The following SERPINE2 variants were observed in gnomAD, a reference collection of about 807,000 sequenced individuals.
The protein encoded by SERPINE2 is serpin family E member 2.
Under a neutral mutation model 36.3 loss-of-function variants are expected in SERPINE2, and 14 were observed. That is an observed-to-expected ratio of 0.39 (90% CI 0.25 to 0.60). SERPINE2 has a LOEUF of 0.60. Ranked by LOEUF, SERPINE2 falls within the 20% of genes least tolerant of loss-of-function variation. The pLI is 0.57. For missense variants in SERPINE2, 418 were observed against 499.6 expected (o/e 0.84, Z 1.56); for synonymous variants, 192 against 191.8 (o/e 1.00, Z -0.01).
intron 1 of SERPINE2, among the ~76,000 whole-genome samples, chr2:224,005,031 A>T (rs1266802943): frequency 1.2e-5 from 1 of 82,578 alleles, no homozygotes; most frequent in East Asian, 2.7e-4. Context: ...TATATTATAT[A>T]ATATATAAAT....
At chr2:223,976,138 A>C (rs1690001799) in intron 8 of SERPINE2, among the ~76,000 whole-genome samples, 1 of 151,804 alleles carries the variant, frequency 6.6e-6, no homozygotes, top group African/African-American at 2.4e-5. Flanking sequence ...GTGACTTAGA[A>C]GTTGAATTTT....
rs777147287 is a variant in SERPINE2, at chr2:223,980,373, T to C, written c.1010A>G (p.His337Arg). The stretch of plus-strand genomic sequence containing the variant: ...TTCAATTTTTGCTTTTTGCAAGATA[T>C]GAGAAACATGGAGGTTTTCTGACCC... ...ITRSENLHVS[H>R]ILQKAKIEVS... The change falls in exon 7 of 9, where the codon CAT becomes CGT. Residue 337 changes from histidine to arginine, a missense_variant. Physicochemically the swap from His to Arg is conservative, Grantham distance 29. Transcript: ENST00000409304. The C allele has an allele frequency of 1.1e-5, 17 of 1,614,000 alleles. No individual in the cohort carries two copies. Among genetic ancestry groups the C allele is most frequent in the African/African-American group, 6.7e-5 (5 of 74,934 alleles).
chr2:224,035,226 G>C (rs1036764297), intron 1 of SERPINE2, among the ~76,000 whole-genome samples: 3 of 152,180 alleles, frequency 2.0e-5, no homozygotes, highest in African/African-American at 7.2e-5. Context: ...TAGCTCTGAA[G>C]CCCATGGGAG....
At chr2:223,977,467 T>A in intron 8 of SERPINE2, 77 bp downstream of exon 8, 1 of 916,646 alleles carries the variant, frequency 1.1e-6, no homozygotes, top group Non-Finnish European at 1.8e-6. Flanking sequence ...GGCACCACTG[T>A]TGGATATAAT....
At chr2:223,994,464 T>C (rs550937893) in intron 3 of SERPINE2, among the ~76,000 whole-genome samples, 2 of 152,310 alleles carry the variant, frequency 1.3e-5, no homozygotes, top group African/African-American at 2.4e-5. Context: ...CAGACATGCA[T>C]CTATCATCCG....
rs748089179 is a variant in SERPINE2, at chr2:223,984,812, T to G, written c.824A>C (p.Lys275Thr). ...LSAIIPHISTKTIDSWMSIMV... is the reference protein window; with the variant it reads ...LSAIIPHISTTTIDSWMSIMV... The stretch of plus-strand genomic sequence containing the variant: ...GATGCTCATCCAGCTGTCTATGGTC[T>G]TGGTGCTGATGTGTGGGATGATGGC... The change falls in exon 5 of 9, where the codon AAG becomes ACG. Residue 275 changes from lysine to threonine, a missense_variant. Transcript: ENST00000409304. 6.2e-7 allele frequency: 1 copy of G among 1,613,844 alleles called. No homozygotes were observed. The highest frequency in any genetic ancestry group is 8.5e-7 in the Non-Finnish European group (1 of 1,180,008).
intron 1 of SERPINE2, among the ~76,000 whole-genome samples, chr2:224,038,284 G>A (rs776079221): frequency 4.6e-5 from 7 of 152,056 alleles, no homozygotes; most frequent in Non-Finnish European, 8.8e-5. Flanking sequence ...AAGCAAGACA[G>A]CAGCATTCGA....
At chr2:224,006,726 G>A (rs982116243) in intron 1 of SERPINE2, among the ~76,000 whole-genome samples, 5 of 152,190 alleles carry the variant, frequency 3.3e-5, no homozygotes, top group Admixed American at 3.3e-4. Flanking sequence ...GTGCAATACA[G>A]AGTATTCTAA....
At position 223,984,958 on chromosome 2, in the gene SERPINE2, A is replaced by G; in HGVS notation, c.686-8T>C. On this transcript the variant is annotated splice_region_variant and splice_polypyrimidine_tract_variant and intron_variant, in intron 4 of 8. Coordinates refer to ENST00000409304, the MANE Select transcript of SERPINE2 (RefSeq NM_001136528.2). Reference sequence around the variant, plus strand: ...TGGGGGCACTTGTCGACCCTAAAGAAATCAGAAGCAGGTTCAGTGTATCCT... The same window carrying G: ...TGGGGGCACTTGTCGACCCTAAAGAGATCAGAAGCAGGTTCAGTGTATCCT... 1 of 1,613,942 alleles carries G rather than the reference A, an allele frequency of 6.2e-7. No homozygotes were observed. The highest frequency in any genetic ancestry group is 8.5e-7 in the Non-Finnish European group (1 of 1,179,818).
chr2:224,030,262 T>C (rs1168682368), intron 1 of SERPINE2: 1 of 978,068 alleles, frequency 1.0e-6, no homozygotes, highest in South Asian at 4.8e-5. Flanking sequence ...CCACTGAGAG[T>C]GCAGCAGGAA....
intron 1 of SERPINE2, among the ~76,000 whole-genome samples, chr2:224,009,497 C>G (rs6742225): frequency 0.68 from 103,621 of 151,964 alleles, 35,829 homozygotes; most frequent in Non-Finnish European, 0.75. Flanking sequence ...GAGTTCGAAA[C>G]CAGCCTGGCC....
At chr2:224,001,329 G>A (rs1691114214) in intron 2 of SERPINE2, among the ~76,000 whole-genome samples, 1 of 152,218 alleles carries the variant, frequency 6.6e-6, no homozygotes, top group Non-Finnish European at 1.5e-5. Context: ...CTCAACCCTG[G>A]GCGCCATGGA....
At chr2:224,016,371 C>T (rs910847561) in intron 1 of SERPINE2, among the ~76,000 whole-genome samples, 13 of 152,028 alleles carry the variant, frequency 8.6e-5, no homozygotes, top group Admixed American at 7.9e-4. Context: ...TCAGTCGTCG[C>T]GGCAGGTGCC....
chr2:223,992,660 A>G (rs1249588047), intron 3 of SERPINE2, among the ~76,000 whole-genome samples: 4 of 152,232 alleles, frequency 2.6e-5, no homozygotes, highest in Non-Finnish European at 5.9e-5. Context: ...TAGAGACAAC[A>G]GAAGAGAGGA....
intron 6 of SERPINE2, 28 bp downstream of exon 6, chr2:223,982,653 A>T: frequency 7.5e-7 from 1 of 1,335,458 alleles, no homozygotes; most frequent in Non-Finnish European, 1.1e-6. Flanking sequence ...TTCTTCAAGT[A>T]TACAAATACA....
chr2:224,035,626 C>A (rs1459276927), intron 1 of SERPINE2, among the ~76,000 whole-genome samples: 2 of 152,208 alleles, frequency 1.3e-5, no homozygotes, highest in Non-Finnish European at 2.9e-5. Context: ...GGTTCAGCCT[C>A]CCACAGTGCT....
intron 1 of SERPINE2, chr2:224,038,692 G>A (rs1692610315): frequency 4.8e-6 from 3 of 624,996 alleles, no homozygotes; most frequent in East Asian, 2.8e-5. Context: ...GCCTAAGTCC[G>A]GGGTAGGGGT....
rs1362107084 is a variant in SERPINE2, at chr2:223,982,752, T to A, written c.914A>T (p.Lys305Met). 1.2e-6 allele frequency: 2 copies of A among 1,613,698 alleles called. No individual in the cohort carries two copies. The highest frequency in any genetic ancestry group is 1.3e-5 in the African/African-American group (1 of 74,934). The change falls in exon 6 of 9, where the codon AAG (lysine) becomes ATG (methionine). Residue 305 changes from lysine (K) to methionine (M), a missense_variant. By Grantham distance (95) the Lys-to-Met change is moderately conservative. Transcript: ENST00000409304. ...AATGCCAAGAACTTTCAGCGGCTCC[T>A]TCAAATCTGTTTGTGCTACAGCTGT... Reference protein sequence around the residue: ...KFTAVAQTDLKEPLKVLGITD... With the variant: ...KFTAVAQTDLMEPLKVLGITD...
intron 1 of SERPINE2, among the ~76,000 whole-genome samples, chr2:224,038,338 TA>T (rs1262247560): frequency 6.6e-6 from 1 of 152,098 alleles, no homozygotes; most frequent in Non-Finnish European, 1.5e-5. Flanking sequence ...TTTCGTTCAT[TA>T]AAACACTAAA....
Sources: gnomAD v4.1 joint callset for allele counts (sites outside exome capture counted in the v4.1 genomes callset) on GRCh38, gnomAD v4.1.1 for gene constraint, MANE v1.5 for transcripts, NCBI Gene and HGNC (gene_info 2026-07-23, HGNC 2026-07-21) for gene names.